SOX5: variants seen among roughly 807,000 people sequenced by gnomAD.
The protein encoded by SOX5 is SRY-box transcription factor 5.
SOX5 carries 9 observed loss-of-function variants against 92.0 expected under a neutral mutation model. That is an observed-to-expected ratio of 0.10 (90% confidence interval 0.06 to 0.17). The LOEUF is 0.17. Ranked by LOEUF, SOX5 falls within the 10% of genes least tolerant of loss-of-function variation. The pLI is 1.00. For synonymous variants in SOX5, 344 were observed against 336.3 expected (o/e 1.02, Z -0.25); for missense variants, 642 against 944.5 (o/e 0.68, Z 4.20).
intron 1 of SOX5, among the ~76,000 whole-genome samples, chr12:23,937,882 T>G (rs1210519726): frequency 6.6e-6 from 1 of 150,964 alleles, no homozygotes; most frequent in Admixed American, 6.6e-5. Flanking sequence ...ATTCTTAACG[T>G]GGACAGTGGT....
chr12:24,053,917 G>T (rs1290761157), intron 4 of SOX5, among the ~76,000 whole-genome samples: 2 of 152,186 alleles, frequency 1.3e-5, no homozygotes, highest in African/African-American at 4.8e-5. Flanking sequence ...AAACTGATAT[G>T]CAGGGAGGAT....
At chr12:23,841,929 T>TATAA (rs1395119831) in intron 3 of SOX5, among the ~76,000 whole-genome samples, 1 of 151,622 alleles carries the variant, frequency 6.6e-6, no homozygotes, top group Non-Finnish European at 1.5e-5. Flanking sequence ...CATTTGCACA[T>TATAA]ATAAATGTAT....
At chr12:24,080,312 T>C (rs1415248412) in intron 4 of SOX5, among the ~76,000 whole-genome samples, 1 of 151,984 alleles carries the variant, frequency 6.6e-6, no homozygotes, top group African/African-American at 2.4e-5. Context: ...ACCATTTCTA[T>C]GATTGCAATG....
chr12:23,534,561 A>G (rs966243151), intron 14 of SOX5, 39 bp from the exon 15 acceptor site: 5 of 1,536,858 alleles, frequency 3.3e-6, no homozygotes, highest in Non-Finnish European at 4.4e-6. Flanking sequence ...ATCGTGGGTA[A>G]GTGAATAGTT....
At chr12:23,745,691 T>C (rs2093958321) in intron 4 of SOX5, among the ~76,000 whole-genome samples, 1 of 152,204 alleles carries the variant, frequency 6.6e-6, no homozygotes, top group African/African-American at 2.4e-5. Flanking sequence ...CTCCAGCTCA[T>C]GCATCTTGTT....
chr12:23,891,225 T>C (rs111264471), intron 2 of SOX5, among the ~76,000 whole-genome samples: 4 of 152,330 alleles, frequency 2.6e-5, no homozygotes, highest in African/African-American at 9.6e-5. Flanking sequence ...TAAGTCGCTC[T>C]TAGGCATTTG....
chr12:23,717,529 T>C (rs187473758), intron 6 of SOX5, among the ~76,000 whole-genome samples: 79 of 152,336 alleles, frequency 5.2e-4, no homozygotes, highest in African/African-American at 1.9e-3. Flanking sequence ...CTCACCATCA[T>C]GTTTATTAAG....
intron 2 of SOX5, among the ~76,000 whole-genome samples, chr12:24,351,210 G>C (rs760918400): frequency 2.0e-5 from 3 of 152,050 alleles, no homozygotes; most frequent in Admixed American, 6.6e-5. Flanking sequence ...CTGTCTTGTA[G>C]AGTATCTAGA....
At chr12:23,766,880 T>C (rs1385544131) in intron 3 of SOX5, among the ~76,000 whole-genome samples, 1 of 152,142 alleles carries the variant, frequency 6.6e-6, no homozygotes, top group Non-Finnish European at 1.5e-5. Context: ...TTTACTGATG[T>C]ATTTTGATCA....
chr12:24,097,908 A>G (rs148946969), intron 4 of SOX5, among the ~76,000 whole-genome samples: 1 of 152,268 alleles, frequency 6.6e-6, no homozygotes. Context: ...ACTTTTAAGC[A>G]TATATGTACT....
intron 3 of SOX5, among the ~76,000 whole-genome samples, chr12:23,764,749 T>C (rs1461450147): frequency 1.3e-5 from 2 of 152,056 alleles, no homozygotes; most frequent in Non-Finnish European, 1.5e-5. Context: ...AGATGCAAAA[T>C]GTATAGAAAT....
In SOX5 at chr12:23,891,930, A is replaced by G. The variant is rs192020506; in HGVS notation, c.270+3863T>C. ...ACTTTAGTTCTAAAATTGCTAGAAA[A>G]TGAAATCACTATTAATTACTGTCCT... On this transcript the variant is annotated intron_variant, in intron 2 of 14. Coordinates refer to ENST00000451604, the MANE Select transcript of SOX5 (RefSeq NM_006940.6). Among the ~76,000 whole-genome samples, 443 of 152,246 alleles carry G rather than the reference A, an allele frequency of 2.9e-3. 7 individuals carry two copies. The highest frequency in any genetic ancestry group is 5.1e-4 in the Non-Finnish European group (35 of 67,988).
At chr12:23,995,300 T>C (rs1187359434) in intron 4 of SOX5, among the ~76,000 whole-genome samples, 5 of 152,236 alleles carry the variant, frequency 3.3e-5, no homozygotes, top group Non-Finnish European at 5.9e-5. Context: ...AAAGTGCTTT[T>C]TGTTTAGTAG....
intron 1 of SOX5, among the ~76,000 whole-genome samples, chr12:23,902,075 G>A (rs548771504): frequency 1.3e-5 from 2 of 152,164 alleles, no homozygotes; most frequent in African/African-American, 2.4e-5. Context: ...TAAGAGTTAA[G>A]TAAGTTTACC....
At chr12:24,257,615 C>T (rs975772420) in intron 3 of SOX5, among the ~76,000 whole-genome samples, 2 of 151,920 alleles carry the variant, frequency 1.3e-5, no homozygotes, top group African/African-American at 2.4e-5. Flanking sequence ...ATTACAGGCA[C>T]GCACCACCAC....
chr12:23,555,153 A>ATTCT lies in SOX5; in HGVS notation c.1488+8101_1488+8104dup, dbSNP rs754407275. 1.3e-4 allele frequency among the ~76,000 whole-genome samples: 20 copies of ATTCT among 152,202 alleles called. 1 individual carries two copies. The highest frequency in any genetic ancestry group is 1.0e-3 in the South Asian group (5 of 4,836). On this transcript the variant is annotated intron_variant, in intron 11 of 14. Transcript: ENST00000451604. ...AACTATTGTTGCCATTTTGTTGTAT[A>ATTCT]TTCTTTTAGTCTTTTATCTATGCAT...
At position 23,904,284 on chromosome 12, in the gene SOX5, T is replaced by C. The variant is rs77168474; in HGVS notation, c.39-8260A>G. Reference sequence around the variant, plus strand: ...TCCTCCTTGCCATCAGTTTCTGATATAGAACATGCCAATCTCCATACTTCT... The same window carrying C: ...TCCTCCTTGCCATCAGTTTCTGATACAGAACATGCCAATCTCCATACTTCT... On this transcript the variant is annotated intron_variant, in intron 1 of 14. Transcript: ENST00000451604. Among the ~76,000 whole-genome samples, 1,509 of 152,246 alleles carry C rather than the reference T, an allele frequency of 9.9e-3. 16 individuals are homozygous for C. The highest frequency in any genetic ancestry group is 0.034 in the African/African-American group (1,407 of 41,546).
chr12:23,759,946 T>A (rs955790889), intron 3 of SOX5, among the ~76,000 whole-genome samples: 30 of 152,172 alleles, frequency 2.0e-4, no homozygotes, highest in Admixed American at 9.2e-4. Context: ...TAATTTTTTT[T>A]AAATTTTTGT....
chr12:24,211,757 T>C (rs1486881008), intron 4 of SOX5, among the ~76,000 whole-genome samples: 2 of 152,218 alleles, frequency 1.3e-5, no homozygotes, highest in Admixed American at 6.5e-5. Flanking sequence ...TTTAGACTTG[T>C]GAAATAAGTT....
Sources: gnomAD v4.1 joint callset for allele counts (sites outside exome capture counted in the v4.1 genomes callset) on GRCh38, gnomAD v4.1.1 for gene constraint, MANE v1.5 for transcripts, NCBI Gene and HGNC (gene_info 2026-07-23, HGNC 2026-07-21) for gene names.